The following SMAP1 variants were observed in gnomAD, a reference collection of about 807,000 sequenced individuals.
SMAP1 encodes small ArfGAP 1, also known as stromal membrane-associated protein 1.
Under a neutral mutation model 58.5 loss-of-function variants are expected in SMAP1, and 24 were observed. The observed-to-expected ratio is 0.41, with a 90% confidence interval of 0.30 to 0.58. The LOEUF is 0.58. SMAP1 is among the 20% of genes least tolerant of loss of function. The pLI, the probability that SMAP1 is intolerant of heterozygous loss-of-function variation, is 0.29. For synonymous variants in SMAP1, 216 were observed against 196.6 expected, an observed-to-expected ratio of 1.10 and a Z score of -0.82; for missense variants, 563 against 566.3, an observed-to-expected ratio of 0.99 and a Z score of 0.06.
intron 1 of SMAP1, among the ~76,000 whole-genome samples, chr6:70,711,709 G>C (rs1485107246): frequency 6.6e-6 from 1 of 151,890 alleles, no homozygotes; most frequent in Non-Finnish European, 1.5e-5. Context: ...TGTGTTTTTA[G>C]TAGAGATGGG....
At chr6:70,792,318 CTT>C (rs1768396623) in intron 5 of SMAP1, among the ~76,000 whole-genome samples, 1 of 128,110 alleles carries the variant, frequency 7.8e-6, no homozygotes, top group East Asian at 2.1e-4. Flanking sequence ...TCTTTTGACT[CTT>C]TACCTATTTT....
chr6:70,722,054 T>C (rs1768551986), intron 1 of SMAP1, among the ~76,000 whole-genome samples: 1 of 152,210 alleles, frequency 6.6e-6, no homozygotes, highest in South Asian at 2.1e-4. Flanking sequence ...ATCATTGATA[T>C]CTATAGAACT....
At chr6:70,766,536 A>C (rs547972251) in intron 3 of SMAP1, among the ~76,000 whole-genome samples, 5 of 152,044 alleles carry the variant, frequency 3.3e-5, no homozygotes, top group Non-Finnish European at 7.4e-5. Flanking sequence ...TGGCTGCATA[A>C]ATGTCTTCTT....
chr6:70,851,871 A>G (rs1771198647), intron 7 of SMAP1, among the ~76,000 whole-genome samples: 1 of 152,196 alleles, frequency 6.6e-6, no homozygotes, highest in South Asian at 2.1e-4. Context: ...GTGCTGGAAT[A>G]AATAAAGGAC....
chr6:70,830,416 ATCT>A (rs1420546850), intron 6 of SMAP1, among the ~76,000 whole-genome samples: 4 of 152,212 alleles, frequency 2.6e-5, no homozygotes, highest in Non-Finnish European at 5.9e-5. Flanking sequence ...TTATTCTTAA[ATCT>A]TCTAAAATTT....
At position 70,835,912 on chromosome 6, in the gene SMAP1, A is replaced by G. The variant is rs187289781; in HGVS notation, c.577-1029A>G. On this transcript the variant is annotated intron_variant, in intron 6 of 10. Transcript: ENST00000370455. The stretch of plus-strand genomic sequence containing the variant: ...TACGCAATGTTTTTTGTGAGAAAGT[A>G]AGTTTGGAATGTGTAACTATGACTT... Among the ~76,000 whole-genome samples, 280 of 152,312 alleles carry G rather than the reference A, an allele frequency of 1.8e-3. 1 individual carries two copies. The highest frequency in any genetic ancestry group is 0.01 in the Middle Eastern group (3 of 294).
At chr6:70,801,001 A>G (rs1338972851) in intron 6 of SMAP1, among the ~76,000 whole-genome samples, 1 of 152,226 alleles carries the variant, frequency 6.6e-6, no homozygotes, top group African/African-American at 2.4e-5. Context: ...TCTTTATAGT[A>G]GCATGATTTA....
At chr6:70,741,912 C>G (rs143887040) in intron 2 of SMAP1, among the ~76,000 whole-genome samples, 21 of 152,234 alleles carry the variant, frequency 1.4e-4, no homozygotes, top group African/African-American at 5.1e-4. Flanking sequence ...GGGGCTTACA[C>G]CCTCTGGAGC....
chr6:70,675,451 G>C (rs9455204), intron 1 of SMAP1, among the ~76,000 whole-genome samples: 77 of 151,704 alleles, frequency 5.1e-4, no homozygotes, highest in African/African-American at 1.6e-3. Flanking sequence ...AGGCGTTTGA[G>C]ACCAGCCTGC....
At chr6:70,838,121 TGTAAATGA>T (rs1770669648) in intron 7 of SMAP1, among the ~76,000 whole-genome samples, 1 of 152,124 alleles carries the variant, frequency 6.6e-6, no homozygotes, top group South Asian at 2.1e-4. Flanking sequence ...TTTCCTTTAC[TGTAAATGA>T]GAGAAAAAGA....
intron 1 of SMAP1, among the ~76,000 whole-genome samples, chr6:70,706,749 A>G (rs986094748): frequency 6.6e-6 from 1 of 152,342 alleles, no homozygotes; most frequent in South Asian, 2.1e-4. Context: ...TAAGATGCCC[A>G]CACCATTTTC....
At chr6:70,695,574 G>A (rs536327722) in intron 1 of SMAP1, among the ~76,000 whole-genome samples, 52 of 152,150 alleles carry the variant, frequency 3.4e-4, no homozygotes, top group Non-Finnish European at 7.3e-4. Flanking sequence ...ATGTTGATAT[G>A]ATGTATCACA....
intron 6 of SMAP1, among the ~76,000 whole-genome samples, chr6:70,799,428 C>T (rs534101433): frequency 2.0e-5 from 3 of 152,062 alleles, no homozygotes; most frequent in East Asian, 1.9e-4. Context: ...TGTGATTAGG[C>T]GAACTACAGC....
At chr6:70,722,550 CACAG>C (rs1405749857) in intron 1 of SMAP1, among the ~76,000 whole-genome samples, 1 of 152,234 alleles carries the variant, frequency 6.6e-6, no homozygotes, top group Non-Finnish European at 1.5e-5. Flanking sequence ...ATTAAAGACA[CACAG>C]ACAGAAATAT....
chr6:70,678,504 A>T (rs1033573880), intron 1 of SMAP1, among the ~76,000 whole-genome samples: 1 of 152,220 alleles, frequency 6.6e-6, no homozygotes. Context: ...AAAAATTAAC[A>T]GAAGAATGTT....
intron 1 of SMAP1, among the ~76,000 whole-genome samples, chr6:70,695,102 C>T (rs781968): frequency 0.43 from 66,029 of 151,948 alleles, 14,705 homozygotes; most frequent in South Asian, 0.5. Context: ...TTGCTCTTGA[C>T]GTAGAAATGC....
chr6:70,852,362 A>G (rs1291256003), intron 7 of SMAP1, among the ~76,000 whole-genome samples, 178 bp from the exon 8 acceptor site: 1 of 152,212 alleles, frequency 6.6e-6, no homozygotes, highest in Non-Finnish European at 1.5e-5. Flanking sequence ...GGGAATCAAC[A>G]AAACTGGAAA....
chr6:70,861,679 A>G lies in SMAP1; in HGVS notation c.*1345A>G. The G allele has an allele frequency of 6.2e-7, 1 of 1,613,600 alleles. No individual in the cohort carries two copies. The highest frequency in any genetic ancestry group is 1.1e-5 in the South Asian group (1 of 91,062). Reference sequence around the variant, plus strand: ...TGCTTCAATTTATACCTCAATTTTCACTGTGTCCAGGTGGTACTTTGGCTC... The same window carrying G: ...TGCTTCAATTTATACCTCAATTTTCGCTGTGTCCAGGTGGTACTTTGGCTC... On this transcript the variant is annotated 3_prime_UTR_variant, in exon 11 of 11. Coordinates refer to ENST00000370455, the MANE Select transcript of SMAP1 (RefSeq NM_001044305.3).
intron 1 of SMAP1, among the ~76,000 whole-genome samples, chr6:70,717,071 C>T (rs1254634819): frequency 1.3e-5 from 2 of 152,164 alleles, no homozygotes; most frequent in Non-Finnish European, 2.9e-5. Context: ...AAACTACACT[C>T]TTTGTTCTTT....
Sources: gnomAD v4.1 joint callset for allele counts (sites outside exome capture counted in the v4.1 genomes callset) on GRCh38, gnomAD v4.1.1 for gene constraint, MANE v1.5 for transcripts, NCBI Gene and HGNC (gene_info 2026-07-23, HGNC 2026-07-21) for gene names.